MACROD2: variants seen among roughly 807,000 people sequenced by gnomAD.
MACROD2 encodes the protein mono-ADP ribosylhydrolase 2.
A neutral mutation model predicts 70.4 loss-of-function variants in MACROD2; 36 were observed. The observed-to-expected ratio is 0.51, with a 90% CI of 0.39 to 0.68. MACROD2 has a LOEUF of 0.68. MACROD2 is among the 30% of genes least tolerant of loss of function. MACROD2 has a pLI of 0.00. For missense variants in MACROD2, 496 were observed against 538.4 expected (o/e 0.92, Z 0.78); for synonymous variants, 172 against 178.8 (o/e 0.96, Z 0.30).
chr20:14,533,821 T>C (rs1453036558), intron 4 of MACROD2, among the ~76,000 whole-genome samples: 4 of 152,234 alleles, frequency 2.6e-5, no homozygotes, highest in Non-Finnish European at 5.9e-5. Flanking sequence ...GTAAAGAATT[T>C]GAGAGCCTTC....
intron 4 of MACROD2, among the ~76,000 whole-genome samples, chr20:14,542,487 G>A (rs982800771): frequency 1.3e-5 from 2 of 152,160 alleles, no homozygotes. Flanking sequence ...GAGTTTGGGT[G>A]TTCACAAATA....
At chr20:15,541,896 A>G (rs200378341) in intron 8 of MACROD2, among the ~76,000 whole-genome samples, 1 of 152,038 alleles carries the variant, frequency 6.6e-6, no homozygotes, top group East Asian at 1.9e-4. Flanking sequence ...ACTACACCAC[A>G]TGGGAATGTT....
chr20:14,986,935 G>A (rs529722045), intron 5 of MACROD2, among the ~76,000 whole-genome samples: 8 of 152,218 alleles, frequency 5.3e-5, no homozygotes, highest in Non-Finnish European at 8.8e-5. Context: ...TCCTCTAGGC[G>A]GTACAGCTAT....
At chr20:15,921,506 CT>C (rs2065406142) in intron 10 of MACROD2, among the ~76,000 whole-genome samples, 1 of 152,182 alleles carries the variant, frequency 6.6e-6, no homozygotes, top group Admixed American at 6.5e-5. Flanking sequence ...CCTCTCTCTC[CT>C]TTTACCCCAT....
At chr20:14,521,030 G>T (rs1420156288) in intron 4 of MACROD2, among the ~76,000 whole-genome samples, 4 of 152,122 alleles carry the variant, frequency 2.6e-5, no homozygotes, top group African/African-American at 9.7e-5. Flanking sequence ...AATTCCTGGG[G>T]AGACATGGAA....
At chr20:15,539,817 C>CT (rs1335383370) in intron 8 of MACROD2, among the ~76,000 whole-genome samples, 1 of 152,166 alleles carries the variant, frequency 6.6e-6, no homozygotes, top group Admixed American at 6.5e-5. Context: ...GAAACTCTGT[C>CT]TCTACTAAAA....
Position 14,835,571 on chromosome 20 carries a change from G to A in MACROD2, c.418+150612G>A, listed in dbSNP as rs115541931. ...AAAGTCTGAGTGAAGCTAAGGGCAA[G>A]TACAGAGGGGATGACCCAGGAGCAC... On this transcript the variant is annotated intron_variant, in intron 5 of 17. Coordinates refer to ENST00000684519, the MANE Select transcript of MACROD2 (RefSeq NM_001351661.2). Among the ~76,000 whole-genome samples the A allele has an allele frequency of 9.1e-3, 1,384 of 152,192 alleles. 20 individuals are homozygous for A. Among genetic ancestry groups the A allele is most frequent in the African/African-American group, 0.031 (1,276 of 41,532 alleles).
chr20:14,690,642 A>C (rs1248368826), intron 5 of MACROD2, among the ~76,000 whole-genome samples: 1 of 152,200 alleles, frequency 6.6e-6, no homozygotes, highest in African/African-American at 2.4e-5. Context: ...AACTAAATCC[A>C]TATTAGAGGC....
intron 5 of MACROD2, among the ~76,000 whole-genome samples, chr20:15,191,990 CTATA>C (rs1451082955): frequency 1.3e-5 from 2 of 150,062 alleles, no homozygotes; most frequent in Non-Finnish European, 3.0e-5. Context: ...AATTATATAA[CTATA>C]TGTGCCCTCT....
At chr20:14,523,021 C>A (rs1216745170) in intron 4 of MACROD2, among the ~76,000 whole-genome samples, 1 of 152,046 alleles carries the variant, frequency 6.6e-6, no homozygotes, top group African/African-American at 2.4e-5. Flanking sequence ...CTGTCTTATC[C>A]CTCGATCTGT....
At chr20:14,045,264 C>T (rs6033869) in intron 2 of MACROD2, among the ~76,000 whole-genome samples, 9 of 152,364 alleles carry the variant, frequency 5.9e-5, no homozygotes, top group South Asian at 2.1e-4. Context: ...GCCCCTCAAG[C>T]GCAGCCAGAG....
At chr20:14,520,738 C>G (rs2423795) in intron 4 of MACROD2, among the ~76,000 whole-genome samples, 124,639 of 152,074 alleles carry the variant, frequency 0.82, 51,476 homozygotes, top group East Asian at 1. Context: ...CTTTTGCTAC[C>G]TTTGTACCTT....
chr20:16,032,747 AAGGG>A (rs1218340698), intron 15 of MACROD2, among the ~76,000 whole-genome samples: 1 of 120,738 alleles, frequency 8.3e-6, no homozygotes, highest in Non-Finnish European at 1.8e-5. Context: ...GAAGGGAAGA[AAGGG>A]AGGAGGGAAG....
At chr20:14,124,597 A>C (rs766897267) in intron 3 of MACROD2, among the ~76,000 whole-genome samples, 2 of 152,146 alleles carry the variant, frequency 1.3e-5, no homozygotes, top group Non-Finnish European at 2.9e-5. Flanking sequence ...ATAATGAGAT[A>C]CCAGGATGGC....
intron 5 of MACROD2, among the ~76,000 whole-genome samples, chr20:14,992,186 CA>C (rs1210466238): frequency 1.3e-5 from 2 of 152,080 alleles, no homozygotes; most frequent in African/African-American, 4.8e-5. Context: ...ATCACTTTTC[CA>C]AAGTGAAGTC....
intron 3 of MACROD2, among the ~76,000 whole-genome samples, chr20:14,490,923 A>G (rs1379656687): frequency 6.6e-6 from 1 of 152,200 alleles, no homozygotes; most frequent in Non-Finnish European, 1.5e-5. Context: ...TTATCTCACT[A>G]TTATAAAACA....
intron 10 of MACROD2, among the ~76,000 whole-genome samples, chr20:15,924,121 A>G (rs1346815996): frequency 6.6e-6 from 1 of 152,248 alleles, no homozygotes; most frequent in Non-Finnish European, 1.5e-5. Flanking sequence ...AAAATTCCAA[A>G]TCAACATCTT....
intron 7 of MACROD2, among the ~76,000 whole-genome samples, chr20:15,470,479 G>T (rs2046950492): frequency 6.6e-6 from 1 of 152,140 alleles, no homozygotes; most frequent in African/African-American, 2.4e-5. Flanking sequence ...AACAGGGGTT[G>T]GAGGGGGAAA....
chr20:14,637,787 A>G (rs1026499091), intron 4 of MACROD2, among the ~76,000 whole-genome samples: 1 of 151,896 alleles, frequency 6.6e-6, no homozygotes, highest in Non-Finnish European at 1.5e-5. Context: ...TTTCTCTTCG[A>G]TGGAAGAAAA....
Sources: allele counts gnomAD v4.1 joint callset (sites outside exome capture counted in the v4.1 genomes callset), GRCh38; gene constraint gnomAD v4.1.1; transcripts MANE v1.5; gene names NCBI Gene and HGNC (gene_info 2026-07-23, HGNC 2026-07-21).